Variants in RALYL observed in about 807,000 individuals in gnomAD.
RALYL encodes the protein RNA-binding Raly-like protein.
A neutral mutation model predicts 35.1 loss-of-function variants in RALYL; 29 were observed. The observed-to-expected ratio is 0.83, with a 90% CI of 0.61 to 1.13. RALYL has a LOEUF of 1.13. Ranked by LOEUF, RALYL falls within the 50% of genes most tolerant of loss-of-function variation. The pLI is 0.00. For missense variants in RALYL, 359 were observed against 360.4 expected (o/e 1.00, Z 0.03); for synonymous variants, 120 against 127.6 (o/e 0.94, Z 0.40).
chr8:84,239,109 C>A (rs187442287), intron 1 of RALYL, among the ~76,000 whole-genome samples: 243 of 152,266 alleles, frequency 1.6e-3, no homozygotes, highest in African/African-American at 5.6e-3. Context: ...GGCTACATAA[C>A]CACATTGCTA....
At chr8:84,569,485 A>C (rs964795375) in intron 2 of RALYL, among the ~76,000 whole-genome samples, 2 of 151,718 alleles carry the variant, frequency 1.3e-5, no homozygotes, top group Non-Finnish European at 2.9e-5. Flanking sequence ...AGATATTATT[A>C]GTCCTTTGTT....
chr8:84,467,661 A>G (rs1394067879), intron 1 of RALYL, among the ~76,000 whole-genome samples: 6 of 152,088 alleles, frequency 3.9e-5, no homozygotes, highest in South Asian at 2.1e-4. Flanking sequence ...TATTAGGTCC[A>G]CTTGGTGCTG....
At chr8:84,724,242 A>T (rs1348714868) in intron 2 of RALYL, among the ~76,000 whole-genome samples, 1 of 151,802 alleles carries the variant, frequency 6.6e-6, no homozygotes, top group African/African-American at 2.4e-5. Flanking sequence ...TCTTTGAATT[A>T]ATGCCTCTTA....
At chr8:84,324,051 A>G (rs554463816) in intron 1 of RALYL, among the ~76,000 whole-genome samples, 2 of 152,130 alleles carry the variant, frequency 1.3e-5, no homozygotes, top group East Asian at 3.9e-4. Context: ...GCTGTACTAA[A>G]TTTTAAAGTA....
chr8:84,621,448 C>G (rs1472047738), intron 2 of RALYL, among the ~76,000 whole-genome samples: 1 of 152,190 alleles, frequency 6.6e-6, no homozygotes, highest in Non-Finnish European at 1.5e-5. Flanking sequence ...CCTCACCCTG[C>G]TTCGGCTGGC....
At chr8:84,523,470 G>A (rs1343107413) in intron 1 of RALYL, among the ~76,000 whole-genome samples, 1 of 151,794 alleles carries the variant, frequency 6.6e-6, no homozygotes, top group Non-Finnish European at 1.5e-5. Context: ...CATATCACCT[G>A]GGTGTTTTTT....
intron 1 of RALYL, among the ~76,000 whole-genome samples, chr8:84,387,296 A>T (rs1395142130): frequency 6.6e-6 from 1 of 151,866 alleles, no homozygotes; most frequent in Non-Finnish European, 1.5e-5. Context: ...ACTCACCGCC[A>T]AAAAGCACTT....
chr8:84,500,236 T>C (rs1294643135), intron 1 of RALYL, among the ~76,000 whole-genome samples: 4 of 152,154 alleles, frequency 2.6e-5, no homozygotes, highest in African/African-American at 9.6e-5. Context: ...GTGGCGGTGT[T>C]TATTTTGCAA....
chr8:84,570,428 T>A (rs1276630003), intron 2 of RALYL, among the ~76,000 whole-genome samples: 1 of 151,926 alleles, frequency 6.6e-6, no homozygotes, highest in African/African-American at 2.4e-5. Flanking sequence ...GTACATTGAT[T>A]TCAGTATCCT....
At chr8:84,305,997 T>C (rs981555710) in intron 1 of RALYL, among the ~76,000 whole-genome samples, 1 of 152,046 alleles carries the variant, frequency 6.6e-6, no homozygotes, top group African/African-American at 2.4e-5. Flanking sequence ...ACCCCATCTC[T>C]ACTAAAAATA....
At chr8:84,410,771 G>A (rs966064631) in intron 1 of RALYL, among the ~76,000 whole-genome samples, 1 of 151,548 alleles carries the variant, frequency 6.6e-6, no homozygotes, top group African/African-American at 2.4e-5. Context: ...TATTATCACT[G>A]TTATTTTCTT....
At chr8:84,595,975 G>C (rs1814433606) in intron 2 of RALYL, among the ~76,000 whole-genome samples, 1 of 151,880 alleles carries the variant, frequency 6.6e-6, no homozygotes, top group African/African-American at 2.4e-5. Context: ...TTTCCTTTCT[G>C]AGCACCAAAT....
chr8:84,639,645 G>A (rs1306106711), intron 2 of RALYL, among the ~76,000 whole-genome samples: 1 of 151,790 alleles, frequency 6.6e-6, no homozygotes, highest in Admixed American at 6.6e-5. Context: ...TATACCAGAG[G>A]CAGTGCTGAT....
At chr8:84,312,005 T>A (rs1323272803) in intron 1 of RALYL, among the ~76,000 whole-genome samples, 1 of 152,202 alleles carries the variant, frequency 6.6e-6, no homozygotes, top group Non-Finnish European at 1.5e-5. Flanking sequence ...TAATGGATAA[T>A]TTATAAGAAA....
chr8:84,817,362 C>T (rs1306039005), intron 4 of RALYL, among the ~76,000 whole-genome samples: 1 of 151,952 alleles, frequency 6.6e-6, no homozygotes, highest in Non-Finnish European at 1.5e-5. Flanking sequence ...TATTTAGTAA[C>T]AGATGCTATA....
chr8:84,899,139 C>A (rs1845253446), intron 8 of RALYL, among the ~76,000 whole-genome samples: 1 of 152,106 alleles, frequency 6.6e-6, no homozygotes, highest in Non-Finnish European at 1.5e-5. Flanking sequence ...CCCATTCTAC[C>A]TTTTATTTTG....
intron 1 of RALYL, among the ~76,000 whole-genome samples, chr8:84,483,661 G>A (rs1401258025): frequency 6.6e-6 from 1 of 152,086 alleles, no homozygotes; most frequent in Non-Finnish European, 1.5e-5. Context: ...ATGAAAAGAT[G>A]AGACGATTAA....
At chr8:84,898,266 C>T (rs1178057149) in intron 8 of RALYL, among the ~76,000 whole-genome samples, 1 of 152,176 alleles carries the variant, frequency 6.6e-6, no homozygotes, top group East Asian at 1.9e-4. Flanking sequence ...TTTTAACACG[C>T]ATTCTAGGTG....
chr8:84,839,969 C>T lies in RALYL; in HGVS notation c.366-10011C>T, dbSNP rs545538734. ...CATCCACACCAAAACCCCATCTGTACGTCACCATCATCAAAGACCAAAGGT... is the reference window on the plus strand; with the variant it reads ...CATCCACACCAAAACCCCATCTGTATGTCACCATCATCAAAGACCAAAGGT... On this transcript the variant is annotated intron_variant, in intron 4 of 8. Coordinates refer to ENST00000521268, the MANE Select transcript of RALYL (RefSeq NM_173848.7). 1.0e-3 allele frequency among the ~76,000 whole-genome samples: 159 copies of T among 152,178 alleles called. 1 individual carries two copies. The highest frequency in any genetic ancestry group is 3.2e-3 in the African/African-American group (133 of 41,500).
Sources: gnomAD v4.1 joint callset for allele counts (sites outside exome capture counted in the v4.1 genomes callset) on GRCh38, gnomAD v4.1.1 for gene constraint, MANE v1.5 for transcripts, NCBI Gene and HGNC (gene_info 2026-07-23, HGNC 2026-07-21) for gene names.